The following DPH6 variants were observed in gnomAD, a reference collection of about 807,000 sequenced individuals.
The protein encoded by DPH6 is diphthine--ammonia ligase.
A neutral mutation model predicts 38.2 loss-of-function variants in DPH6; 33 were observed. That is an observed-to-expected ratio of 0.86 (90% confidence interval 0.65 to 1.15). The LOEUF is 1.15. Ranked by LOEUF, DPH6 falls within the 50% of genes most tolerant of loss-of-function variation. DPH6 has a pLI of 0.00. For missense variants in DPH6, 325 were observed against 320.0 expected (o/e 1.02, Z -0.12); for synonymous variants, 108 against 103.0 (o/e 1.05, Z -0.30).
intron 6 of DPH6, among the ~76,000 whole-genome samples, chr15:35,409,955 T>C (rs1266355422): frequency 3.3e-5 from 5 of 151,836 alleles, no homozygotes; most frequent in Non-Finnish European, 7.4e-5. Context: ...CGGAGATTTC[T>C]AGGCATTTGG....
the DPH6 span, among the ~76,000 whole-genome samples, chr15:35,184,831 A>T: frequency 3.9e-5 from 6 of 152,196 alleles, no homozygotes; most frequent in Admixed American, 3.9e-4. Context: ...TACACAAGTC[A>T]GTGGGTCATT....
intron 6 of DPH6, among the ~76,000 whole-genome samples, chr15:35,397,736 C>G (rs1391730398): frequency 6.6e-6 from 1 of 152,142 alleles, no homozygotes; most frequent in African/African-American, 2.4e-5. Flanking sequence ...GCTACTGCTT[C>G]TCTTCTACCC....
intron 3 of DPH6, among the ~76,000 whole-genome samples, chr15:35,290,609 C>T (rs1207291159): frequency 6.6e-6 from 1 of 152,164 alleles, no homozygotes; most frequent in African/African-American, 2.4e-5. Context: ...TATAATGTGA[C>T]TAACATGGAC....
At chr15:35,410,981 C>T in intron 5 of DPH6, 85 bp from the exon 6 acceptor site, 1 of 1,167,174 alleles carries the variant, frequency 8.6e-7, no homozygotes. Flanking sequence ...CCCCTCCTCA[C>T]CTAGAAAAGC....
chr15:35,209,566 A>G, the DPH6 span, among the ~76,000 whole-genome samples: 2 of 152,202 alleles, frequency 1.3e-5, no homozygotes, highest in Non-Finnish European at 2.9e-5. Flanking sequence ...AGTGAATAAA[A>G]TATCAGAAAA....
At chr15:35,258,234 A>C (rs16960723) in intron 3 of DPH6, among the ~76,000 whole-genome samples, 5,409 of 152,182 alleles carry the variant, frequency 0.036, 379 homozygotes, top group East Asian at 0.34. Context: ...GAGAGGTAGG[A>C]TTGGGGTCAT....
intron 3 of DPH6, among the ~76,000 whole-genome samples, chr15:35,319,188 A>T (rs1416113464): frequency 6.6e-6 from 1 of 152,220 alleles, no homozygotes; most frequent in Non-Finnish European, 1.5e-5. Flanking sequence ...ACTTCTGGCA[A>T]CATGGTTTCT....
chr15:35,495,326 A>G (rs1004723720), intron 3 of DPH6, among the ~76,000 whole-genome samples: 8 of 152,188 alleles, frequency 5.3e-5, no homozygotes, highest in Non-Finnish European at 1.0e-4. Context: ...TTAAAGACTT[A>G]GGGAGAAGAG....
intron 3 of DPH6, among the ~76,000 whole-genome samples, chr15:35,357,721 T>C (rs1263547974): frequency 2.0e-5 from 3 of 152,246 alleles, no homozygotes; most frequent in Non-Finnish European, 2.9e-5. Context: ...CAATCACTTC[T>C]CGCTTGTAGA....
intron 3 of DPH6, among the ~76,000 whole-genome samples, chr15:35,358,036 T>C (rs2052581392): frequency 6.6e-6 from 1 of 152,200 alleles, no homozygotes; most frequent in Admixed American, 6.5e-5. Context: ...TTAGGTTTGG[T>C]TGTTTAATGT....
At chr15:35,240,336 T>G (rs909804400) in intron 3 of DPH6, among the ~76,000 whole-genome samples, 1 of 143,130 alleles carries the variant, frequency 7.0e-6, no homozygotes, top group African/African-American at 2.5e-5. Flanking sequence ...CTGTGCCCAG[T>G]GCAACTCGTC....
chr15:35,290,037 G>A (rs562810222), intron 3 of DPH6, among the ~76,000 whole-genome samples: 1 of 152,234 alleles, frequency 6.6e-6, no homozygotes, highest in Admixed American at 6.5e-5. Flanking sequence ...CCACACTAAA[G>A]TTGAAAAGAA....
intron 3 of DPH6, among the ~76,000 whole-genome samples, chr15:35,332,172 T>C (rs1414597377): frequency 1.3e-5 from 2 of 152,170 alleles, no homozygotes; most frequent in Non-Finnish European, 2.9e-5. Context: ...AATTTTAAAA[T>C]ATCAGAAAAT....
intron 3 of DPH6, among the ~76,000 whole-genome samples, chr15:35,461,177 C>T (rs183822272): frequency 1.3e-5 from 2 of 152,252 alleles, no homozygotes; most frequent in African/African-American, 2.4e-5. Flanking sequence ...CTCCGCCTGC[C>T]GGGTTCAAGC....
At chr15:35,275,909 G>T (rs1002327859) in intron 3 of DPH6, among the ~76,000 whole-genome samples, 4 of 152,050 alleles carry the variant, frequency 2.6e-5, no homozygotes, top group Non-Finnish European at 4.4e-5. Context: ...CTGTAAACTT[G>T]CGTGTACAAG....
chr15:35,326,917 T>C (rs917938888), downstream of DPH6, among the ~76,000 whole-genome samples: 1 of 152,158 alleles, frequency 6.6e-6, no homozygotes, highest in Non-Finnish European at 1.5e-5. Context: ...TATCCCATGT[T>C]AGACAGGGAT....
intron 5 of DPH6, among the ~76,000 whole-genome samples, chr15:35,424,677 T>C (rs2053546955): frequency 6.6e-6 from 1 of 151,626 alleles, no homozygotes; most frequent in African/African-American, 2.4e-5. Flanking sequence ...ATAATACTTC[T>C]GGGCAAGATG....
chr15:35,408,131 G>A (rs574285711), intron 6 of DPH6, among the ~76,000 whole-genome samples: 1 of 152,048 alleles, frequency 6.6e-6, no homozygotes, highest in South Asian at 2.1e-4. Flanking sequence ...AATATATTCG[G>A]AAATACAGCA....
At chr15:35,336,120 T>A (rs1406467169) in intron 3 of DPH6, among the ~76,000 whole-genome samples, 1 of 152,174 alleles carries the variant, frequency 6.6e-6, no homozygotes, top group Non-Finnish European at 1.5e-5. Flanking sequence ...TTTCTAGGTA[T>A]TTTATTCTTT....
Sources: allele counts gnomAD v4.1 joint callset (sites outside exome capture counted in the v4.1 genomes callset), GRCh38; gene constraint gnomAD v4.1.1; transcripts MANE v1.5; gene names NCBI Gene and HGNC (gene_info 2026-07-23, HGNC 2026-07-21).